Variants in SORCS1 observed in about 807,000 individuals in gnomAD.
SORCS1 encodes the protein sortilin related VPS10 domain containing receptor 1.
In SORCS1, 60 loss-of-function variants were observed where a neutral mutation model predicts 146.1. The observed-to-expected ratio is 0.41, with a 90% CI of 0.33 to 0.51. The LOEUF (loss-of-function observed/expected upper bound fraction) is 0.51, where lower values mean the gene tolerates loss of function less well. SORCS1 is among the 20% of genes least tolerant of loss of function. The pLI, the probability that SORCS1 is intolerant of heterozygous loss-of-function variation, is 0.21. For synonymous variants in SORCS1, 637 were observed against 584.0 expected, an observed-to-expected ratio of 1.09 and a Z score of -1.31; for missense variants, 1,352 against 1,487.6, an observed-to-expected ratio of 0.91 and a Z score of 1.50.
At chr10:106,615,979 T>C (rs1187298834) in intron 21 of SORCS1, among the ~76,000 whole-genome samples, 1 of 152,176 alleles carries the variant, frequency 6.6e-6, no homozygotes, top group Non-Finnish European at 1.5e-5. Context: ...TTCTCATAAA[T>C]CTGAGCAGAT....
intron 1 of SORCS1, among the ~76,000 whole-genome samples, chr10:107,048,421 T>C (rs578208357): frequency 1.3e-5 from 2 of 152,324 alleles, no homozygotes; most frequent in East Asian, 1.9e-4. Flanking sequence ...TTAAATCCTA[T>C]ACTCTACGTT....
intron 3 of SORCS1, among the ~76,000 whole-genome samples, chr10:106,821,340 A>T (rs1948012630): frequency 6.6e-6 from 1 of 152,200 alleles, no homozygotes; most frequent in Non-Finnish European, 1.5e-5. Flanking sequence ...CTAAACTTAG[A>T]AGAGATTTAT....
intron 1 of SORCS1, among the ~76,000 whole-genome samples, chr10:107,005,814 G>A (rs780794716): frequency 6.6e-6 from 1 of 152,142 alleles, no homozygotes; most frequent in African/African-American, 2.4e-5. Flanking sequence ...AAAATTATAT[G>A]AAGATTTCAG....
intron 1 of SORCS1, among the ~76,000 whole-genome samples, chr10:106,985,902 A>G (rs986366005): frequency 5.3e-5 from 8 of 151,980 alleles, no homozygotes; most frequent in Non-Finnish European, 5.9e-5. Context: ...TGTGACACAG[A>G]GTACCCCTTT....
chr10:106,599,367 C>CAAAAAAAAAA (rs531734833), intron 23 of SORCS1, among the ~76,000 whole-genome samples: 1 of 116,606 alleles, frequency 8.6e-6, no homozygotes. Context: ...AACTCTAATT[C>CAAAAAAAAAA]AAAAAAAAAA....
chr10:107,173,903 T>C, the SORCS1 span, among the ~76,000 whole-genome samples: 1 of 152,204 alleles, frequency 6.6e-6, no homozygotes. Context: ...ATCAAGTTTG[T>C]CAAATTTTGT....
At chr10:107,014,661 A>G (rs930565295) in intron 1 of SORCS1, among the ~76,000 whole-genome samples, 3 of 152,210 alleles carry the variant, frequency 2.0e-5, no homozygotes, top group African/African-American at 7.2e-5. Context: ...TCCAATACCA[A>G]AATTTAAAAA....
At chr10:106,880,293 G>A (rs1229588918) in intron 2 of SORCS1, among the ~76,000 whole-genome samples, 1 of 152,170 alleles carries the variant, frequency 6.6e-6, no homozygotes, top group African/African-American at 2.4e-5. Flanking sequence ...TACATTTAAA[G>A]ATACTATGAA....
intron 3 of SORCS1, among the ~76,000 whole-genome samples, chr10:106,809,219 A>G (rs1039334558): frequency 7.9e-5 from 12 of 151,988 alleles, no homozygotes; most frequent in African/African-American, 2.9e-4. Flanking sequence ...ATAAAAATAA[A>G]TAAATAAATA....
intron 8 of SORCS1, among the ~76,000 whole-genome samples, chr10:106,700,030 C>T (rs1261151242): frequency 1.3e-5 from 2 of 152,124 alleles, no homozygotes; most frequent in Non-Finnish European, 1.5e-5. Flanking sequence ...CCAGAGAAAC[C>T]CAAAGTACTA....
intron 2 of SORCS1, among the ~76,000 whole-genome samples, chr10:106,835,317 A>G (rs1247786898): frequency 6.6e-6 from 1 of 152,212 alleles, no homozygotes; most frequent in Non-Finnish European, 1.5e-5. Flanking sequence ...ATCTAAATTA[A>G]CCCATAAGCA....
chr10:106,869,786 CAAGGATGCCCTCTCTCACTGTTCTTATTA>C (rs1950341098), intron 2 of SORCS1, among the ~76,000 whole-genome samples: 1 of 152,100 alleles, frequency 6.6e-6, no homozygotes. Context: ...CAGCACAAGA[CAAGGATGCCCTCTCTCACTGTTCTTATTA>C]AACATGTTAT....
intron 1 of SORCS1, among the ~76,000 whole-genome samples, chr10:107,065,504 TC>T (rs1217432833): frequency 4.0e-4 from 32 of 80,940 alleles, no homozygotes; most frequent in African/African-American, 1.8e-3. Context: ...TCTCCTCTCC[TC>T]TCCTCTCTTT....
intron 1 of SORCS1, among the ~76,000 whole-genome samples, chr10:106,973,620 A>G (rs1279047127): frequency 6.6e-6 from 1 of 150,476 alleles, no homozygotes; most frequent in African/African-American, 2.5e-5. Flanking sequence ...GCGGCTCTAG[A>G]AAAAAAAAAT....
intron 1 of SORCS1, among the ~76,000 whole-genome samples, chr10:107,077,881 G>T (rs1963019220): frequency 6.6e-6 from 1 of 152,058 alleles, no homozygotes; most frequent in Non-Finnish European, 1.5e-5. Flanking sequence ...TAGGAAGAAA[G>T]TTAGGCAAAT....
chr10:106,921,032 T>C (rs1467532798), intron 2 of SORCS1, among the ~76,000 whole-genome samples: 1 of 152,144 alleles, frequency 6.6e-6, no homozygotes, highest in East Asian at 1.9e-4. Context: ...GGCAAGAACA[T>C]CTCTAGCTCA....
At chr10:106,651,232 C>A (rs1849838592) in intron 18 of SORCS1, among the ~76,000 whole-genome samples, 1 of 152,118 alleles carries the variant, frequency 6.6e-6, no homozygotes, top group African/African-American at 2.4e-5. Context: ...CTATGAGAAT[C>A]AAAATACTAA....
chr10:107,069,495 C>A (rs979465532), intron 1 of SORCS1, among the ~76,000 whole-genome samples: 9 of 152,068 alleles, frequency 5.9e-5, no homozygotes, highest in African/African-American at 2.4e-5. Flanking sequence ...CCTGCCTCAG[C>A]CTCCCGAGTA....
intron 1 of SORCS1, among the ~76,000 whole-genome samples, chr10:107,104,013 C>T (rs967459570): frequency 1.3e-5 from 2 of 152,172 alleles, no homozygotes; most frequent in Admixed American, 1.3e-4. Context: ...TTCGTCAGAA[C>T]CTTTTTGGAC....
Sources: gnomAD v4.1 joint callset for allele counts (sites outside exome capture counted in the v4.1 genomes callset) on GRCh38, gnomAD v4.1.1 for gene constraint, MANE v1.5 for transcripts, NCBI Gene and HGNC (gene_info 2026-07-23, HGNC 2026-07-21) for gene names.